DYM: variants seen among roughly 807,000 people sequenced by gnomAD.
DYM encodes the protein dymeclin.
DYM carries 78 observed loss-of-function variants against 93.1 expected under a neutral mutation model. The ratio of observed to expected loss-of-function variants is 0.84; its 90% CI spans 0.70 to 1.01. The LOEUF is 1.01. Ranked by LOEUF, DYM falls within the 50% of genes least tolerant of loss-of-function variation. DYM has a pLI of 0.00. For synonymous variants in DYM, 321 were observed against 319.7 expected (o/e 1.00, Z -0.04); for missense variants, 789 against 845.0 (o/e 0.93, Z 0.82).
intron 14 of DYM, among the ~76,000 whole-genome samples, chr18:49,198,034 T>C (rs966871629): frequency 6.6e-5 from 10 of 152,096 alleles, no homozygotes; most frequent in Admixed American, 2.0e-4. Flanking sequence ...AAAACAGAGA[T>C]ATAGACCAAT....
chr18:49,429,993 T>A (rs2074656834), intron 2 of DYM, among the ~76,000 whole-genome samples: 1 of 152,232 alleles, frequency 6.6e-6, no homozygotes, highest in Admixed American at 6.5e-5. Context: ...GATATATGCT[T>A]AAGTAACCTA....
At chr18:49,349,809 T>C (rs1568296916) in intron 6 of DYM, among the ~76,000 whole-genome samples, 1 of 152,042 alleles carries the variant, frequency 6.6e-6, no homozygotes. Context: ...TTTTAAAAAT[T>C]AGCTGGGCAT....
At chr18:49,180,914 C>A (rs1470299849) in intron 14 of DYM, among the ~76,000 whole-genome samples, 1 of 152,122 alleles carries the variant, frequency 6.6e-6, no homozygotes, top group East Asian at 1.9e-4. Context: ...TGATTTCTGG[C>A]ATGGAGGACT....
At chr18:49,430,510 T>G in intron 1 of DYM, 63 bp from the exon 2 acceptor site, 3 of 1,221,490 alleles carry the variant, frequency 2.5e-6, no homozygotes, top group Non-Finnish European at 3.5e-6. Flanking sequence ...TGTCTACCTA[T>G]AAAAAAACTA....
intron 10 of DYM, among the ~76,000 whole-genome samples, chr18:49,273,344 T>C (rs1225939090): frequency 6.6e-6 from 1 of 152,172 alleles, no homozygotes. Context: ...GTCTTCGGAG[T>C]TCCTTCTGAC....
chr18:49,445,306 C>T (rs1295667960), intron 1 of DYM, among the ~76,000 whole-genome samples: 2 of 152,022 alleles, frequency 1.3e-5, no homozygotes, highest in Admixed American at 6.6e-5. Context: ...AGTAACTTGC[C>T]CAAGATTATA....
intron 10 of DYM, among the ~76,000 whole-genome samples, chr18:49,276,722 G>A (rs1351897152): frequency 2.0e-5 from 3 of 152,158 alleles, no homozygotes; most frequent in East Asian, 1.9e-4. Flanking sequence ...CACGTTAAGA[G>A]TAAGAGCTTT....
chr18:49,394,789 AATGT>A (rs2069837529), intron 2 of DYM, among the ~76,000 whole-genome samples: 1 of 152,132 alleles, frequency 6.6e-6, no homozygotes, highest in Non-Finnish European at 1.5e-5. Flanking sequence ...AGCTACTGTA[AATGT>A]ATTACCTTAT....
chr18:49,124,075 G>A (rs986268861), intron 15 of DYM, among the ~76,000 whole-genome samples: 1 of 152,186 alleles, frequency 6.6e-6, no homozygotes, highest in African/African-American at 2.4e-5. Flanking sequence ...TTGAGAGTTT[G>A]TTCTCAATGT....
intron 15 of DYM, among the ~76,000 whole-genome samples, chr18:49,163,166 T>C (rs1374686797): frequency 2.0e-5 from 3 of 152,188 alleles, no homozygotes; most frequent in East Asian, 3.9e-4. Context: ...ATTATTGGTT[T>C]AAGGTTGATT....
chr18:49,253,612 C>T (rs1022322073), intron 13 of DYM, among the ~76,000 whole-genome samples: 1 of 152,152 alleles, frequency 6.6e-6, no homozygotes, highest in Non-Finnish European at 1.5e-5. Flanking sequence ...CCAACAAGCT[C>T]CCTCCTGCAT....
chr18:49,084,412 A>C (rs745392845), intron 17 of DYM, among the ~76,000 whole-genome samples: 1 of 152,176 alleles, frequency 6.6e-6, no homozygotes, highest in Non-Finnish European at 1.5e-5. Context: ...TGTGTACTTG[A>C]AAAGAATATG....
chr18:49,051,878 G>T (rs376441672), intron 17 of DYM, among the ~76,000 whole-genome samples: 2 of 152,250 alleles, frequency 1.3e-5, no homozygotes, highest in East Asian at 1.9e-4. Context: ...AGAGCGGGTA[G>T]AGAGAGCAGC....
chr18:49,080,150 C>G (rs868690155), intron 17 of DYM, among the ~76,000 whole-genome samples: 5 of 10,132 alleles, frequency 4.9e-4, no homozygotes, highest in African/African-American at 1.8e-3. Context: ...GGCGGCTGGC[C>G]GGGGGGGGGC....
intron 2 of DYM, among the ~76,000 whole-genome samples, chr18:49,429,430 A>G (rs979499524): frequency 3.3e-5 from 5 of 152,212 alleles, no homozygotes; most frequent in Admixed American, 6.5e-5. Context: ...AAATCTAGTT[A>G]TTGAGTGTAT....
intron 17 of DYM, among the ~76,000 whole-genome samples, chr18:49,059,498 T>C (rs781573987): frequency 3.3e-5 from 5 of 152,226 alleles, no homozygotes; most frequent in African/African-American, 1.2e-4. Flanking sequence ...ATGGTCATCT[T>C]TGCCACCTGG....
At chr18:49,077,921 T>G (rs914668720) in intron 17 of DYM, among the ~76,000 whole-genome samples, 1 of 152,218 alleles carries the variant, frequency 6.6e-6, no homozygotes, top group Non-Finnish European at 1.5e-5. Flanking sequence ...TTAATGAGTG[T>G]TTGGTCCATT....
chr18:49,428,852 G>T (rs2074549240), intron 2 of DYM, among the ~76,000 whole-genome samples: 1 of 151,936 alleles, frequency 6.6e-6, no homozygotes, highest in East Asian at 1.9e-4. Flanking sequence ...ACTTTAAATG[G>T]GTGAATTACA....
At chr18:49,149,381 A>G (rs1367043974) in intron 15 of DYM, among the ~76,000 whole-genome samples, 1 of 152,112 alleles carries the variant, frequency 6.6e-6, no homozygotes, top group Non-Finnish European at 1.5e-5. Context: ...GTCTTTGCTC[A>G]ACTATCACCT....
Sources: gnomAD v4.1 joint callset for allele counts (sites outside exome capture counted in the v4.1 genomes callset) on GRCh38, gnomAD v4.1.1 for gene constraint, MANE v1.5 for transcripts, NCBI Gene and HGNC (gene_info 2026-07-23, HGNC 2026-07-21) for gene names.